DNAH5: variants seen among roughly 807,000 people sequenced by gnomAD.
The protein encoded by DNAH5 is axonemal beta dynein heavy chain 5.
A neutral mutation model predicts 518.2 loss-of-function variants in DNAH5; 372 were observed. The observed-to-expected ratio is 0.72, with a 90% confidence interval of 0.66 to 0.78. The LOEUF is 0.78. Among genes scored for constraint, DNAH5 ranks in the 30% least tolerant of loss-of-function variants. DNAH5 has a pLI of 0.00. For synonymous variants in DNAH5, 2,039 were observed against 2,025.9 expected, an observed-to-expected ratio of 1.01 and a Z score of -0.17; for missense variants, 5,523 against 5,687.0, an observed-to-expected ratio of 0.97 and a Z score of 0.93.
intron 59 of DNAH5, among the ~76,000 whole-genome samples, chr5:13,763,399 A>G (rs1057354660): frequency 1.3e-5 from 2 of 152,250 alleles, no homozygotes; most frequent in African/African-American, 4.8e-5. Context: ...AAATGTGAAG[A>G]TAATAACTTG....
At chr5:13,872,494 G>C (rs1285590154) in intron 22 of DNAH5, among the ~76,000 whole-genome samples, 1 of 152,050 alleles carries the variant, frequency 6.6e-6, no homozygotes, top group African/African-American at 2.4e-5. Context: ...TATTATACAT[G>C]TTTCTAGGTA....
At chr5:13,916,092 C>A (rs1776614190) in intron 9 of DNAH5, among the ~76,000 whole-genome samples, 1 of 151,552 alleles carries the variant, frequency 6.6e-6, no homozygotes, top group Admixed American at 6.6e-5. Context: ...ATTCCAAGAG[C>A]AATCTTTTTT....
At chr5:13,928,254 T>TA (rs1256848577) in intron 2 of DNAH5, 76 bp from the exon 3 acceptor site, 14 of 1,116,094 alleles carry the variant, frequency 1.3e-5, no homozygotes, top group Non-Finnish European at 1.8e-5. Flanking sequence ...ATTAATAATA[T>TA]AAAAAAGGAA....
chr5:13,718,618 TATTA>T lies in DNAH5; in HGVS notation c.12499+260_12499+263del, dbSNP rs199961388. On this transcript the variant is annotated intron_variant, in intron 72 of 78. Transcript: ENST00000265104. ...AAATGACAAAATTGTTCATTTTTGATATTAATTATGTCTAGCTGGAGAACAGCAT... is the reference window on the plus strand; with the variant it reads ...AAATGACAAAATTGTTCATTTTTGATATTATGTCTAGCTGGAGAACAGCAT... Among the ~76,000 whole-genome samples the T allele has an allele frequency of 0.028, 4,257 of 152,280 alleles. 135 individuals carry two copies. The highest frequency in any genetic ancestry group is 0.033 in the Non-Finnish European group (2,260 of 68,018).
At chr5:13,933,046 T>G (rs1778568238) in intron 1 of DNAH5, among the ~76,000 whole-genome samples, 1 of 152,224 alleles carries the variant, frequency 6.6e-6, no homozygotes, top group Non-Finnish European at 1.5e-5. Flanking sequence ...TAGGTCCCAG[T>G]AGCCTCCACC....
Position 13,914,665 on chromosome 5 carries a change from T to A in DNAH5, c.1198-23A>T, listed in dbSNP as rs746468713. On this transcript the variant is annotated intron_variant, in intron 9 of 78. Transcript: ENST00000265104. ...CACCTGGGATTTTCCAATAAAATGA[T>A]GTTAAGCACATAAAACAGCCATGGA... is the stretch of plus-strand genomic sequence containing the variant. 2.5e-6 allele frequency: 4 copies of A among 1,611,372 alleles called. No homozygotes were observed. In the African/African-American group the frequency reaches 5.3e-5, roughly 22 times the overall value.
intron 36 of DNAH5, 66 bp from the exon 37 acceptor site, chr5:13,830,279 A>G: frequency 7.1e-7 from 1 of 1,406,460 alleles, no homozygotes; most frequent in African/African-American, 1.4e-5. Context: ...GAAAAAGGAT[A>G]TTATGTAGCT....
chr5:13,879,412 G>A (rs1191151668), intron 21 of DNAH5, among the ~76,000 whole-genome samples: 1 of 152,038 alleles, frequency 6.6e-6, no homozygotes, highest in Non-Finnish European at 1.5e-5. Context: ...TTAAAAATCT[G>A]TAAGTCAAAC....
intron 30 of DNAH5, among the ~76,000 whole-genome samples, chr5:13,854,044 G>A (rs1767257665): frequency 6.6e-6 from 1 of 152,106 alleles, no homozygotes; most frequent in Non-Finnish European, 1.5e-5. Flanking sequence ...TTCTCCTCAA[G>A]AAGAGCAACC....
chr5:13,933,458 T>C (rs1178377746), intron 1 of DNAH5, among the ~76,000 whole-genome samples: 1 of 152,150 alleles, frequency 6.6e-6, no homozygotes, highest in Non-Finnish European at 1.5e-5. Flanking sequence ...GGACCACCAG[T>C]ATCCCAGGAG....
chr5:13,778,470 GGAAGGAAA>G (rs2126820203), intron 53 of DNAH5, among the ~76,000 whole-genome samples: 1 of 92,566 alleles, frequency 1.1e-5, no homozygotes, highest in African/African-American at 4.4e-5. Flanking sequence ...AAAGAGAGAA[GGAAGGAAA>G]GAAGGAAGGA....
chr5:13,877,838 T>A (rs1771103010), intron 21 of DNAH5, among the ~76,000 whole-genome samples: 1 of 151,730 alleles, frequency 6.6e-6, no homozygotes, highest in Non-Finnish European at 1.5e-5. Flanking sequence ...CACACAAGAG[T>A]CTCTCTGGAC....
chr5:13,789,007 G>A, intron 50 of DNAH5, 93 bp from the exon 51 acceptor site: 2 of 1,159,992 alleles, frequency 1.7e-6, no homozygotes, highest in Non-Finnish European at 2.5e-6. Flanking sequence ...TATCCTTCCT[G>A]ATTTAAGATT....
intron 35 of DNAH5, among the ~76,000 whole-genome samples, chr5:13,836,011 G>C (rs977493254): frequency 1.2e-4 from 19 of 152,146 alleles, no homozygotes; most frequent in Non-Finnish European, 1.8e-4. Flanking sequence ...TGAGAGAGAA[G>C]GAAGGGCTTC....
intron 30 of DNAH5, among the ~76,000 whole-genome samples, chr5:13,851,988 C>A (rs1016640841): frequency 6.6e-6 from 1 of 151,952 alleles, no homozygotes; most frequent in Non-Finnish European, 1.5e-5. Context: ...GAACTCTCCC[C>A]CGAGCCAAGG....
Position 13,914,745 on chromosome 5 carries a change from T to C in DNAH5, c.1198-103A>G, listed in dbSNP as rs1312755724. ...CTTCTACTTCTCAGAGTTCACAATC[T>C]TCTAACTTGAGCTTGGGTTTATTTT... On this transcript the variant is annotated intron_variant, in intron 9 of 78. Coordinates refer to ENST00000265104, the MANE Select transcript of DNAH5 (RefSeq NM_001369.3). The C allele has an allele frequency of 2.8e-5, 33 of 1,190,912 alleles. No individual in the cohort carries two copies. In the Admixed American group the frequency reaches 6.5e-4, roughly 23 times the overall value. The allele number at this position is 1,190,912 out of a possible 1,614,324, so 73.8% of individuals were successfully genotyped here. A position where few individuals can be genotyped will look rare whatever the true frequency, so the allele number is the denominator to read the frequency against.
At chr5:13,922,406 G>T in intron 4 of DNAH5, 78 bp from the exon 5 acceptor site, 1 of 1,373,240 alleles carries the variant, frequency 7.3e-7, no homozygotes, top group Non-Finnish European at 1.0e-6. Flanking sequence ...TTTCTTAAAT[G>T]TTGTCACTTT....
At position 13,893,757 on chromosome 5, in the gene DNAH5, C is replaced by T. The variant is rs992784580; in HGVS notation, c.2431+893G>A. Among the ~76,000 whole-genome samples the T allele has an allele frequency of 4.6e-5, 7 of 152,014 alleles. 1 individual carries two copies. The South Asian group carries it at 8.3e-4, about 18-fold the overall frequency. ...CCCAAATATAAATCCAACAGGAGGTCACAGGAGGAAGCGGTCACAGGAGGT... is the reference window on the plus strand; with the variant it reads ...CCCAAATATAAATCCAACAGGAGGTTACAGGAGGAAGCGGTCACAGGAGGT... On this transcript the variant is annotated intron_variant, in intron 16 of 78. Coordinates refer to ENST00000265104, the MANE Select transcript of DNAH5 (RefSeq NM_001369.3).
At chr5:13,773,075 T>C (rs1180052093) in intron 55 of DNAH5, among the ~76,000 whole-genome samples, 1 of 152,226 alleles carries the variant, frequency 6.6e-6, no homozygotes, top group Non-Finnish European at 1.5e-5. Context: ...AGATTTTCTA[T>C]TTATTGAAGA....
Sources: allele counts gnomAD v4.1 joint callset (sites outside exome capture counted in the v4.1 genomes callset), GRCh38; gene constraint gnomAD v4.1.1; transcripts MANE v1.5; gene names NCBI Gene and HGNC (gene_info 2026-07-23, HGNC 2026-07-21).